The following LRIF1 variants were observed in gnomAD, a reference collection of about 807,000 sequenced individuals.
LRIF1 encodes ligand-dependent nuclear receptor-interacting factor 1.
A neutral mutation model predicts 52.7 loss-of-function variants in LRIF1; 32 were observed. The ratio of observed to expected loss-of-function variants is 0.61; its 90% CI spans 0.46 to 0.82. The LOEUF is 0.82. Among genes scored for constraint, LRIF1 ranks in the 40% least tolerant of loss-of-function variants. The probability of loss-of-function intolerance (pLI) is 0.00; values close to 1 mark genes in which losing one functional copy is unlikely to be tolerated. For missense variants in LRIF1, 887 were observed against 892.0 expected (o/e 0.99, Z 0.07); for synonymous variants, 323 against 317.4 (o/e 1.02, Z -0.19).
At chr1:110,897,088 C>T in the LRIF1 span, among the ~76,000 whole-genome samples, 2 of 152,182 alleles carry the variant, frequency 1.3e-5, no homozygotes, top group Non-Finnish European at 2.9e-5. Flanking sequence ...AAAAGTTTCT[C>T]CCTCTCCCTC....
rs375129898 is a variant in LRIF1, at chr1:110,952,250, T to G, written c.634A>C (p.Thr212Pro). 4.3e-6 allele frequency: 7 copies of G among 1,614,074 alleles called. No individual in the cohort carries two copies. The highest frequency in any genetic ancestry group is 2.2e-5 in the East Asian group (1 of 44,896). Residue 212 changes from threonine to proline, a missense_variant, in exon 2 of 4, where the codon ACT (threonine) becomes CCT (proline). Thr to Pro is a conservative substitution (Grantham distance 38). Transcript: ENST00000369763. ...ATTCCTGAGGTACTGGTGGTGGCAG[T>G]TGCAAGTATCTTTTGCTGCACTGAA... ...PPSVQQKILATATTSTSGMVE... is the reference protein window; with the variant it reads ...PPSVQQKILAPATTSTSGMVE...
In LRIF1 at chr1:110,947,940, G is replaced by GA. The variant is rs773801419; in HGVS notation, c.*18dup. Reference sequence around the variant, plus strand: ...TATTTTAAAAAACAGCTATTTCACTGAAGTCTTTACAGGAGATTTTATTTT... The same window carrying GA: ...TATTTTAAAAAACAGCTATTTCACTGAAAGTCTTTACAGGAGATTTTATTTT... On this transcript the variant is annotated 3_prime_UTR_variant, in exon 4 of 4. Transcript: ENST00000369763. 6.4e-7 allele frequency: 1 copy of GA among 1,551,584 alleles called. No homozygotes were observed. Among genetic ancestry groups the GA allele is most frequent in the Non-Finnish European group, 8.7e-7 (1 of 1,153,228 alleles).
chr1:110,899,404 G>A, the LRIF1 span: 1 of 492,904 alleles, frequency 2.0e-6, no homozygotes, highest in Non-Finnish European at 3.7e-6. Context: ...ACTGACGGCA[G>A]CAGCCATGTC....
At chr1:110,932,427 G>A in the LRIF1 span, among the ~76,000 whole-genome samples, 1 of 152,150 alleles carries the variant, frequency 6.6e-6, no homozygotes, top group African/African-American at 2.4e-5. Context: ...GATGCCTCCA[G>A]CTTTGTTCTT....
chr1:110,958,394 G>A (rs553251219), intron 1 of LRIF1, among the ~76,000 whole-genome samples: 11 of 152,044 alleles, frequency 7.2e-5, no homozygotes, highest in Non-Finnish European at 1.6e-4. Context: ...TCCCATTGGT[G>A]CTATTAATGT....
chr1:110,957,231 G>A (rs1658736518), intron 1 of LRIF1, among the ~76,000 whole-genome samples: 1 of 149,910 alleles, frequency 6.7e-6, no homozygotes, highest in African/African-American at 2.5e-5. Context: ...GCCGAGGCAG[G>A]TGGATCACGA....
chr1:110,886,185 T>G, the LRIF1 span, among the ~76,000 whole-genome samples: 1 of 152,146 alleles, frequency 6.6e-6, no homozygotes, highest in Non-Finnish European at 1.5e-5. Context: ...CTCCACTTTC[T>G]TCCAGCTTGC....
chr1:110,954,324 A>C (rs951696125), intron 1 of LRIF1, among the ~76,000 whole-genome samples: 4 of 152,256 alleles, frequency 2.6e-5, no homozygotes, highest in African/African-American at 9.6e-5. Flanking sequence ...TCTGTCATCC[A>C]GACTGGAGTG....
chr1:110,953,779 G>A (rs942489300), intron 1 of LRIF1, among the ~76,000 whole-genome samples: 2 of 152,060 alleles, frequency 1.3e-5, no homozygotes, highest in African/African-American at 2.4e-5. Context: ...ACCTAGGTAC[G>A]CCTCACCCAA....
chr1:110,927,995 T>G, the LRIF1 span, among the ~76,000 whole-genome samples: 1 of 152,194 alleles, frequency 6.6e-6, no homozygotes, highest in African/African-American at 2.4e-5. Context: ...AAATCCTTGA[T>G]CTACGTTTTT....
At chr1:110,939,370 T>G in the LRIF1 span, 3 of 102,842 alleles carry the variant, frequency 2.9e-5, no homozygotes, top group African/African-American at 3.9e-5. Flanking sequence ...ACAGCGAGAC[T>G]CCGTCTCAAA....
the LRIF1 span, among the ~76,000 whole-genome samples, chr1:110,884,849 GC>G: frequency 9.2e-5 from 1 of 10,848 alleles, no homozygotes; most frequent in Non-Finnish European, 1.6e-3. Flanking sequence ...TATTTTAAAT[GC>G]ATTTTTTTGT....
At chr1:110,890,283 C>T in the LRIF1 span, among the ~76,000 whole-genome samples, 4 of 152,200 alleles carry the variant, frequency 2.6e-5, no homozygotes, top group African/African-American at 9.6e-5. Flanking sequence ...ATTCAAAATT[C>T]TGGCCAGGTG....
At chr1:110,901,512 C>T in the LRIF1 span, among the ~76,000 whole-genome samples, 3,389 of 134,696 alleles carry the variant, frequency 0.025, 140 homozygotes, top group African/African-American at 0.087. Context: ...GAGTCTCACT[C>T]TGTGGCCAGG....
the LRIF1 span, among the ~76,000 whole-genome samples, chr1:110,902,495 T>TAAAAAAAAAAAAAAAAA: frequency 2.7e-3 from 194 of 72,524 alleles, no homozygotes; most frequent in East Asian, 4.3e-3. Flanking sequence ...AATCAATCAC[T>TAAAAAAAAAAAAAAAAA]AAAAAAAAAA....
chr1:110,944,479 A>G (rs1213894321), downstream of LRIF1: 4 of 152,258 alleles, frequency 2.6e-5, no homozygotes, highest in Non-Finnish European at 4.4e-5. Context: ...ACTTAAAGCC[A>G]TGAAACTGGA....
chr1:110,941,960 G>T, the LRIF1 span: 9 of 151,980 alleles, frequency 5.9e-5, no homozygotes, highest in African/African-American at 2.2e-4. Context: ...TTTCCTACAT[G>T]AAGGTAGCAT....
intron 3 of LRIF1, among the ~76,000 whole-genome samples, chr1:110,949,326 G>A (rs1019325984): frequency 2.6e-5 from 4 of 151,762 alleles, no homozygotes; most frequent in African/African-American, 9.7e-5. Flanking sequence ...CACCATGTTG[G>A]CCAAGATGGT....
At chr1:110,880,528 C>A in the LRIF1 span, among the ~76,000 whole-genome samples, 1 of 152,078 alleles carries the variant, frequency 6.6e-6, no homozygotes, top group Non-Finnish European at 1.5e-5. Flanking sequence ...TCACAGGATA[C>A]CAGGATGTTG....
Sources: gnomAD v4.1 joint callset for allele counts (sites outside exome capture counted in the v4.1 genomes callset) on GRCh38, gnomAD v4.1.1 for gene constraint, MANE v1.5 for transcripts, NCBI Gene and HGNC (gene_info 2026-07-23, HGNC 2026-07-21) for gene names.